ITPR2: variants seen among roughly 807,000 people sequenced by gnomAD.
The protein encoded by ITPR2 is inositol 1,4,5-trisphosphate-gated calcium channel ITPR2.
In ITPR2, 207 loss-of-function variants were observed where a neutral mutation model predicts 317.1. The observed-to-expected ratio is 0.65, with a 90% CI of 0.58 to 0.73. The LOEUF (loss-of-function observed/expected upper bound fraction) is 0.73, where lower values mean the gene tolerates loss of function less well. Among genes scored for constraint, ITPR2 ranks in the 30% least tolerant of loss-of-function variants. The pLI, the probability that ITPR2 is intolerant of heterozygous loss-of-function variation, is 0.00. For missense variants in ITPR2, 2,613 were observed against 3,284.0 expected, an observed-to-expected ratio of 0.80 and a Z score of 4.99; for synonymous variants, 1,156 against 1,149.1, an observed-to-expected ratio of 1.01 and a Z score of -0.12.
intron 32 of ITPR2, among the ~76,000 whole-genome samples, chr12:26,581,995 A>G (rs1945415016): frequency 1.3e-5 from 2 of 152,210 alleles, no homozygotes; most frequent in African/African-American, 4.8e-5. Context: ...CTTTTTAGTC[A>G]GTGGATTAAT....
At chr12:26,826,032 C>G (rs1234628476) in intron 1 of ITPR2, among the ~76,000 whole-genome samples, 1 of 152,110 alleles carries the variant, frequency 6.6e-6, no homozygotes, top group Non-Finnish European at 1.5e-5. Context: ...TTGGAAGATA[C>G]TAAACATCTT....
At chr12:26,449,167 A>C (rs1301294789) in intron 45 of ITPR2, among the ~76,000 whole-genome samples, 1 of 152,174 alleles carries the variant, frequency 6.6e-6, no homozygotes, top group Non-Finnish European at 1.5e-5. Flanking sequence ...CAATTTTATT[A>C]ATTGGTAAAA....
chr12:26,435,013 C>G (rs1941315813), intron 48 of ITPR2, among the ~76,000 whole-genome samples: 1 of 152,152 alleles, frequency 6.6e-6, no homozygotes, highest in Non-Finnish European at 1.5e-5. Flanking sequence ...TACATTTTCA[C>G]TGCTATTTAA....
chr12:26,503,757 G>A (rs1943125532), intron 37 of ITPR2, among the ~76,000 whole-genome samples: 1 of 152,146 alleles, frequency 6.6e-6, no homozygotes, highest in African/African-American at 2.4e-5. Flanking sequence ...TATGTTCTTG[G>A]CCCATAGCAA....
chr12:26,577,853 C>T (rs899903430), intron 34 of ITPR2, among the ~76,000 whole-genome samples: 1 of 152,022 alleles, frequency 6.6e-6, no homozygotes, highest in Non-Finnish European at 1.5e-5. Flanking sequence ...ATGCTATAAC[C>T]CTGGCCAAAT....
In ITPR2 at chr12:26,602,647, G is replaced by C; in HGVS notation, c.3522C>G (p.Asn1174Lys). 6.2e-7 allele frequency: 1 copy of C among 1,611,370 alleles called. No individual in the cohort carries two copies. The highest frequency in any genetic ancestry group is 8.5e-7 in the Non-Finnish European group (1 of 1,178,126). ...TTACAATCCGGTAGTTATTGCTCTTGTTGCTGTCAATCTGAGGTTTCTTTG... is the reference window on the plus strand; with the variant it reads ...TTACAATCCGGTAGTTATTGCTCTTCTTGCTGTCAATCTGAGGTTTCTTTG... ...DGTKKPQIDS[N>K]KSNNYRIVKE... Residue 1174 changes from asparagine (N) to lysine (K), a missense_variant, in exon 27 of 57, where the codon AAC (asparagine) becomes AAG (lysine). Around this residue, in one of 9 missense-constraint regions of ITPR2, gnomAD observed 817 missense variants for 897.6 expected, o/e 0.91. Transcript: ENST00000381340.
intron 10 of ITPR2, among the ~76,000 whole-genome samples, chr12:26,695,042 A>G (rs1456998053): frequency 6.6e-6 from 1 of 152,192 alleles, no homozygotes; most frequent in African/African-American, 2.4e-5. Context: ...TAAACATTCC[A>G]ATTCTTTCTG....
chr12:26,749,758 T>C (rs1338462828), intron 2 of ITPR2, among the ~76,000 whole-genome samples: 3 of 152,244 alleles, frequency 2.0e-5, no homozygotes, highest in Non-Finnish European at 4.4e-5. Flanking sequence ...CTAAGTAAAG[T>C]AGTAATTTTA....
intron 55 of ITPR2, among the ~76,000 whole-genome samples, chr12:26,367,976 A>C (rs1234104023): frequency 6.6e-6 from 1 of 152,212 alleles, no homozygotes; most frequent in Admixed American, 6.5e-5. Flanking sequence ...TCCCCTGCAG[A>C]CCAGAGCTGG....
intron 37 of ITPR2, among the ~76,000 whole-genome samples, chr12:26,513,748 TCA>T (rs3056894): frequency 0.063 from 9,337 of 149,348 alleles, 328 homozygotes; most frequent in African/African-American, 0.074. Flanking sequence ...TTGCCAATTA[TCA>T]CACACACACA....
In ITPR2 at chr12:26,663,840, C is replaced by A; in HGVS notation, c.1558G>T (p.Gly520Ter). Residue 520 changes from glycine (G) to a stop codon, truncating the protein, a stop_gained, in exon 15 of 57, where the codon GGA becomes TGA. Transcript: ENST00000381340. LOFTEE classifies it high-confidence loss of function. Reference sequence around the variant, plus strand: ...TCTTTAAAGGGTGCTTTAAGAATTCCAAATACCTATCAGGAATAAAAACAG... The same window carrying A: ...TCTTTAAAGGGTGCTTTAAGAATTCAAAATACCTATCAGGAATAAAAACAG... ...REQNILAQVF[G>*]ILKAPFKEKA... The A allele has an allele frequency of 6.2e-7, 1 of 1,607,606 alleles. No individual in the cohort carries two copies. Among genetic ancestry groups the A allele is most frequent in the Non-Finnish European group, 8.5e-7 (1 of 1,178,162 alleles).
rs16930521 is a variant in ITPR2, at chr12:26,354,547, A to T, written c.7858-14219T>A. Among the ~76,000 whole-genome samples the T allele has an allele frequency of 0.017, 2,524 of 152,184 alleles. 147 individuals carry two copies. The East Asian group carries it at 0.17, about 10-fold the overall frequency. ...CCAGCTCACCAGCTAATGTTCTTTCACTAGTCCCTGACATTGCCATTTTAT... is the reference window on the plus strand; with the variant it reads ...CCAGCTCACCAGCTAATGTTCTTTCTCTAGTCCCTGACATTGCCATTTTAT... On this transcript the variant is annotated intron_variant, in intron 55 of 56. Coordinates refer to ENST00000381340, the MANE Select transcript of ITPR2 (RefSeq NM_002223.4).
chr12:26,823,347 T>G (rs1950966784), intron 1 of ITPR2, among the ~76,000 whole-genome samples: 1 of 152,170 alleles, frequency 6.6e-6, no homozygotes, highest in Non-Finnish European at 1.5e-5. Context: ...TTGCAACATT[T>G]GCAACACTGA....
At chr12:26,354,466 G>T (rs1168259280) in intron 55 of ITPR2, among the ~76,000 whole-genome samples, 1 of 152,062 alleles carries the variant, frequency 6.6e-6, no homozygotes, top group African/African-American at 2.4e-5. Context: ...CCACCACATG[G>T]TCATAGTCAC....
intron 9 of ITPR2, among the ~76,000 whole-genome samples, chr12:26,701,699 A>G (rs1243142524): frequency 2.0e-5 from 3 of 152,198 alleles, no homozygotes; most frequent in Non-Finnish European, 2.9e-5. Flanking sequence ...CAGCCCCAAT[A>G]GTCATAAAAT....
intron 2 of ITPR2, among the ~76,000 whole-genome samples, chr12:26,756,550 T>A (rs1382946893): frequency 2.0e-5 from 3 of 152,224 alleles, no homozygotes; most frequent in Non-Finnish European, 4.4e-5. Flanking sequence ...CTGAATGTTT[T>A]CTTAAACTAA....
intron 26 of ITPR2, among the ~76,000 whole-genome samples, chr12:26,603,036 C>T (rs973916567): frequency 9.2e-5 from 14 of 151,860 alleles, no homozygotes; most frequent in African/African-American, 3.1e-4. Context: ...CTTTATATTG[C>T]CTATATGAGA....
intron 37 of ITPR2, among the ~76,000 whole-genome samples, chr12:26,516,285 G>GGGAAGGGAAGGGAAGGGAAA (rs1943504560): frequency 4.4e-4 from 19 of 42,822 alleles, no homozygotes; most frequent in Non-Finnish European, 5.5e-4. Flanking sequence ...GGGAAGGGAA[G>GGGAAGGGAAGGGAAGGGAAA]GGAAAGGAAA....
At chr12:26,649,834 C>T (rs1195163700) in intron 21 of ITPR2, among the ~76,000 whole-genome samples, 1 of 151,346 alleles carries the variant, frequency 6.6e-6, no homozygotes, top group African/African-American at 2.4e-5. Context: ...GACAGACAGA[C>T]AGATAGATAA....
Sources: gnomAD v4.1 joint callset for allele counts (sites outside exome capture counted in the v4.1 genomes callset) on GRCh38, gnomAD v4.1.1 for gene constraint, gnomAD v4.1.1 regional missense constraint, MANE v1.5 for transcripts, NCBI Gene and HGNC (gene_info 2026-07-23, HGNC 2026-07-21) for gene names.